Variants in PDZRN4 observed in about 807,000 individuals in gnomAD.
The protein encoded by PDZRN4 is PDZ domain-containing RING finger protein 4.
PDZRN4 carries 70 observed loss-of-function variants against 99.0 expected under a neutral mutation model. The ratio of observed to expected loss-of-function variants is 0.71; its 90% CI spans 0.58 to 0.86. The LOEUF is 0.86. Among genes scored for constraint, PDZRN4 ranks in the 40% least tolerant of loss-of-function variants. The pLI, the probability that PDZRN4 is intolerant of heterozygous loss-of-function variation, is 0.00. For synonymous variants in PDZRN4, 551 were observed against 501.6 expected (o/e 1.10, Z -1.32); for missense variants, 1,474 against 1,331.2 (o/e 1.11, Z -1.67).
chr12:41,542,709 T>G (rs975459101), intron 5 of PDZRN4, among the ~76,000 whole-genome samples: 3 of 152,152 alleles, frequency 2.0e-5, no homozygotes, highest in African/African-American at 7.2e-5. Context: ...CACTAAATTG[T>G]CAGATGAATG....
At chr12:41,463,048 C>G (rs1047406228) in intron 3 of PDZRN4, among the ~76,000 whole-genome samples, 1 of 152,146 alleles carries the variant, frequency 6.6e-6, no homozygotes, top group African/African-American at 2.4e-5. Flanking sequence ...TAAAGAATAT[C>G]AAACTATAGC....
chr12:41,348,248 G>GCA (rs1478501140), intron 3 of PDZRN4, among the ~76,000 whole-genome samples: 2 of 152,102 alleles, frequency 1.3e-5, no homozygotes, highest in Admixed American at 1.3e-4. Context: ...ACTATTCTGT[G>GCA]CTGTAGAGCA....
At chr12:41,461,194 A>T (rs1489605984) in intron 3 of PDZRN4, among the ~76,000 whole-genome samples, 2 of 139,198 alleles carry the variant, frequency 1.4e-5, no homozygotes, top group Non-Finnish European at 3.1e-5. Flanking sequence ...GTGCTGCATG[A>T]GTATTACTTT....
At chr12:41,452,437 T>TA (rs774917437) in intron 3 of PDZRN4, among the ~76,000 whole-genome samples, 440 of 133,386 alleles carry the variant, frequency 3.3e-3, no homozygotes, top group Non-Finnish European at 5.4e-3. Context: ...AGCCTCCGTC[T>TA]AAAAAAAAAA....
At chr12:41,215,330 A>G (rs1950913393) in intron 3 of PDZRN4, among the ~76,000 whole-genome samples, 2 of 152,004 alleles carry the variant, frequency 1.3e-5, no homozygotes, top group South Asian at 4.1e-4. Flanking sequence ...ATAATGTCAC[A>G]TTCTTGAGGT....
At chr12:41,543,786 A>G (rs1938901774) in intron 5 of PDZRN4, among the ~76,000 whole-genome samples, 1 of 152,218 alleles carries the variant, frequency 6.6e-6, no homozygotes, top group Non-Finnish European at 1.5e-5. Context: ...AGTTTCAACA[A>G]AAGTCATGAA....
At chr12:41,549,516 C>G (rs1939017708) in intron 5 of PDZRN4, among the ~76,000 whole-genome samples, 1 of 152,156 alleles carries the variant, frequency 6.6e-6, no homozygotes, top group Non-Finnish European at 1.5e-5. Context: ...CTGAGACAAT[C>G]TCAACCAAGA....
At chr12:41,254,464 G>A (rs1951190920) in intron 3 of PDZRN4, among the ~76,000 whole-genome samples, 1 of 152,168 alleles carries the variant, frequency 6.6e-6, no homozygotes, top group Non-Finnish European at 1.5e-5. Flanking sequence ...AAATCTTTCT[G>A]AATAATAGTT....
At chr12:41,494,104 T>C (rs527758079) in intron 3 of PDZRN4, among the ~76,000 whole-genome samples, 4 of 151,912 alleles carry the variant, frequency 2.6e-5, no homozygotes, top group African/African-American at 2.4e-5. Context: ...GTTAGAACAA[T>C]TATCCACACG....
At chr12:41,570,945 G>A (rs1939460490) in intron 9 of PDZRN4, among the ~76,000 whole-genome samples, 1 of 152,114 alleles carries the variant, frequency 6.6e-6, no homozygotes, top group Non-Finnish European at 1.5e-5. Flanking sequence ...CTCTCCTCTT[G>A]ATATTGTTAC....
intron 3 of PDZRN4, among the ~76,000 whole-genome samples, chr12:41,469,000 T>G (rs1019995174): frequency 8.0e-6 from 1 of 125,084 alleles, no homozygotes. Context: ...CAGAGCAAGA[T>G]TCTGTCTCAA....
chr12:41,290,708 T>A (rs1951451960), intron 3 of PDZRN4, among the ~76,000 whole-genome samples: 1 of 152,088 alleles, frequency 6.6e-6, no homozygotes. Flanking sequence ...ATTTCATATA[T>A]TTACCCTACT....
chr12:41,274,674 C>G (rs1442071559), intron 3 of PDZRN4, among the ~76,000 whole-genome samples: 1 of 152,116 alleles, frequency 6.6e-6, no homozygotes, highest in East Asian at 1.9e-4. Flanking sequence ...CCCAAGACAG[C>G]CTGCTTCTTC....
intron 3 of PDZRN4, among the ~76,000 whole-genome samples, chr12:41,494,325 A>G (rs981870693): frequency 4.6e-5 from 7 of 152,132 alleles, no homozygotes; most frequent in Middle Eastern, 3.2e-3. Flanking sequence ...ACATAGTGTC[A>G]TCTTCAGCAA....
chr12:41,230,131 G>A (rs1213831191), intron 3 of PDZRN4, among the ~76,000 whole-genome samples: 3 of 151,904 alleles, frequency 2.0e-5, no homozygotes, highest in Admixed American at 1.3e-4. Context: ...GCTGGGGAGG[G>A]CACTATGTCA....
rs183295740 is a variant in PDZRN4 at position 41,401,338 on chromosome 12, A to G, written c.844-105118A>G. On this transcript the variant is annotated intron_variant, in intron 3 of 9. Transcript: ENST00000402685. ...ACTGAAAGTTTCTCTCCAGTAGCTC[A>G]TAAAAGTAACATCAATTTCTCTAAC... Among the ~76,000 whole-genome samples, 162 of 152,338 alleles carry G rather than the reference A, an allele frequency of 1.1e-3. 1 individual carries two copies. Among genetic ancestry groups the G allele is most frequent in the Admixed American group, 3.5e-3 (53 of 15,294 alleles).
intron 3 of PDZRN4, among the ~76,000 whole-genome samples, chr12:41,440,375 G>T (rs1173442306): frequency 6.6e-6 from 1 of 152,050 alleles, no homozygotes; most frequent in African/African-American, 2.4e-5. Flanking sequence ...CTTTATAATA[G>T]AATCATTATG....
Position 41,232,002 on chromosome 12 carries a change from T to C in PDZRN4, c.843+37814T>C, listed in dbSNP as rs536475446. On this transcript the variant is annotated intron_variant, in intron 3 of 9. Transcript: ENST00000402685. ...TTTTAATAAGTGAATTATTTGAAGA[T>C]TTACTTACATTAGTTCTTTGTTTCT... Among the ~76,000 whole-genome samples the C allele has an allele frequency of 3.3e-5, 5 of 152,150 alleles. No individual in the cohort carries two copies. The East Asian group carries it at 9.7e-4, about 29-fold the overall frequency.
chr12:41,415,642 C>T (rs143063767), intron 3 of PDZRN4, among the ~76,000 whole-genome samples: 5 of 151,986 alleles, frequency 3.3e-5, no homozygotes, highest in South Asian at 2.1e-4. Flanking sequence ...GTTTTTCTTC[C>T]GTATCTAAAG....
Sources: allele counts gnomAD v4.1 joint callset (sites outside exome capture counted in the v4.1 genomes callset), GRCh38; gene constraint gnomAD v4.1.1; transcripts MANE v1.5; gene names NCBI Gene and HGNC (gene_info 2026-07-23, HGNC 2026-07-21).